RAB15: variants seen among roughly 807,000 people sequenced by gnomAD.
RAB15 encodes the protein ras-related protein Rab-15.
In RAB15, 13 loss-of-function variants were observed where a neutral mutation model predicts 31.8. The ratio of observed to expected loss-of-function variants is 0.41; its 90% CI spans 0.27 to 0.65. The LOEUF is 0.65. Among genes scored for constraint, RAB15 ranks in the 30% least tolerant of loss-of-function variants. RAB15 has a pLI of 0.32. For missense variants in RAB15, 220 were observed against 277.3 expected (o/e 0.79, Z 1.47); for synonymous variants, 100 against 105.6 (o/e 0.95, Z 0.33).
rs1277171134 is a variant in RAB15 at position 64,958,498 on chromosome 14, T to G, written c.125-5927A>C. Reference sequence around the variant, plus strand: ...CCTCCCAAACTCTGAGCAATACATTTCTCTTGCTTTAAATTACTCAGCTAA... The same window carrying G: ...CCTCCCAAACTCTGAGCAATACATTGCTCTTGCTTTAAATTACTCAGCTAA... On this transcript the variant is annotated intron_variant, in intron 1 of 6. Transcript: ENST00000533601. The surrounding 1 kb of genome is among the most constrained non-coding windows in gnomAD (Gnocchi z 4.4). Among the ~76,000 whole-genome samples the G allele has an allele frequency of 6.6e-6, 1 of 152,104 alleles. No homozygotes were observed. Among genetic ancestry groups the G allele is most frequent in the African/African-American group, 2.4e-5 (1 of 41,434 alleles).
chr14:64,967,148 C>A (rs1378010839), intron 1 of RAB15, among the ~76,000 whole-genome samples: 1 of 152,084 alleles, frequency 6.6e-6, no homozygotes, highest in Non-Finnish European at 1.5e-5. Context: ...GAGAAAGTGC[C>A]CTGAAGCCAC....
In RAB15 at chr14:64,971,876, C is replaced by CCCAGCTGGGGAGGAATTG; in HGVS notation, c.124+76_124+77insCAATTCCTCCCCAGCTGG. The CCCAGCTGGGGAGGAATTG allele has an allele frequency of 7.1e-7, 1 of 1,411,634 alleles. No individual in the cohort carries two copies. Among genetic ancestry groups the CCCAGCTGGGGAGGAATTG allele is most frequent in the South Asian group, 1.3e-5 (1 of 79,434 alleles). 87.4% of individuals were successfully genotyped at this position (1,411,634 alleles called of 1,614,324 possible). A position where few individuals can be genotyped will look rare whatever the true frequency, so the allele number is the denominator to read the frequency against. On this transcript the variant is annotated intron_variant, in intron 1 of 6. Transcript: ENST00000533601. This position sits in a 1 kb window ranked among gnomAD's most constrained non-coding sequence, Gnocchi z 4.1. The stretch of plus-strand genomic sequence containing the variant: ...CAGCCGGAGGGGCTGGCAATTCCTC[C>CCCAGCTGGGGAGGAATTG]CCAGCTGGGGACGGGGGCGGCGGGG...
Position 64,970,539 on chromosome 14 carries a change from G to A in RAB15, c.124+1414C>T, listed in dbSNP as rs1887365249. Among the ~76,000 whole-genome samples the A allele has an allele frequency of 6.6e-6, 1 of 152,202 alleles. No homozygotes were observed. The highest frequency in any genetic ancestry group is 1.5e-5 in the Non-Finnish European group (1 of 68,038). On this transcript the variant is annotated intron_variant, in intron 1 of 6. Transcript: ENST00000533601. This position sits in a 1 kb window ranked among gnomAD's most constrained non-coding sequence, Gnocchi z 4.1. The stretch of plus-strand genomic sequence containing the variant: ...TAAGTCCTGTTGTTTCACCCTTCAA[G>A]TTGGTGAAACAAAGAGAGGAGACCC...
At position 64,950,581 on chromosome 14, in the gene RAB15, C is replaced by G; in HGVS notation, c.325-167G>C. 1.5e-6 allele frequency: 1 copy of G among 676,450 alleles called. No individual in the cohort carries two copies. The highest frequency in any genetic ancestry group is 2.6e-6 in the Non-Finnish European group (1 of 377,608). 41.9% of individuals were successfully genotyped at this position (676,450 alleles called of 1,614,324 possible). A position where few individuals can be genotyped will look rare whatever the true frequency, so the allele number is the denominator to read the frequency against. On this transcript the variant is annotated intron_variant, in intron 4 of 6. Transcript: ENST00000533601. The surrounding 1 kb of genome is among the most constrained non-coding windows in gnomAD (Gnocchi z 5.6). ...CTCCCCCAAGTGCCATGGCTGACCTCAAGGGTATCACGGGGAGAGCTTAGG... is the reference window on the plus strand; with the variant it reads ...CTCCCCCAAGTGCCATGGCTGACCTGAAGGGTATCACGGGGAGAGCTTAGG...
chr14:64,955,500 C>A lies in RAB15; in HGVS notation c.125-2929G>T, dbSNP rs1886501765. Among the ~76,000 whole-genome samples the A allele has an allele frequency of 6.6e-6, 1 of 152,228 alleles. No individual in the cohort carries two copies. Among genetic ancestry groups the A allele is most frequent in the Admixed American group, 6.5e-5 (1 of 15,286 alleles). On this transcript the variant is annotated intron_variant, in intron 1 of 6. Transcript: ENST00000533601. This position sits in a 1 kb window ranked among gnomAD's most constrained non-coding sequence, Gnocchi z 4.4. The stretch of plus-strand genomic sequence containing the variant: ...TTATTGAGGCCTCTGCAGACGGATG[C>A]TTTCTCACCTTGGCCAGCCCTCGCA...
chr14:64,954,249 GAGGA>G lies in RAB15; in HGVS notation c.125-1682_125-1679del, dbSNP rs1297961279. On this transcript the variant is annotated intron_variant, in intron 1 of 6. Transcript: ENST00000533601. The surrounding 1 kb of genome is among the most constrained non-coding windows in gnomAD (Gnocchi z 4.3). Reference sequence around the variant, plus strand: ...CAGAGAAAGAGTGAAGAGAAGGAGGGAGGAAGGGAGGAAGGAGAGAAGCATCAGG... The same window carrying G: ...CAGAGAAAGAGTGAAGAGAAGGAGGGAGGGAGGAAGGAGAGAAGCATCAGG... 1 of 984,988 alleles carries G rather than the reference GAGGA, an allele frequency of 1.0e-6. No individual in the cohort carries two copies. Among genetic ancestry groups the G allele is most frequent in the African/African-American group, 1.7e-5 (1 of 57,216 alleles). The allele number at this position is 984,988 out of a possible 1,614,324, so 61.0% of individuals were successfully genotyped here.
At chr14:64,957,059 G>A (rs528850638) in intron 1 of RAB15, among the ~76,000 whole-genome samples, 6 of 151,804 alleles carry the variant, frequency 4.0e-5, no homozygotes, top group Non-Finnish European at 7.4e-5. Context: ...TCAGCCTCTG[G>A]GTAGGTAGCT....
intron 1 of RAB15, among the ~76,000 whole-genome samples, chr14:64,963,180 A>G (rs916738267): frequency 3.0e-5 from 4 of 133,014 alleles, no homozygotes; most frequent in Admixed American, 9.0e-5. Context: ...GTACAGTGGT[A>G]CGATCTCGGC....
In RAB15 at chr14:64,955,275, T is replaced by C. The variant is rs1886484009; in HGVS notation, c.125-2704A>G. On this transcript the variant is annotated intron_variant, in intron 1 of 6. Coordinates refer to ENST00000533601, the MANE Select transcript of RAB15 (RefSeq NM_001308154.2). The surrounding 1 kb of genome is among the most constrained non-coding windows in gnomAD (Gnocchi z 4.4). Reference sequence around the variant, plus strand: ...CAACCTCTCTTAAATTTAAAAAAGGTTAACAGCCCAAGGATCTTCAAGAGG... The same window carrying C: ...CAACCTCTCTTAAATTTAAAAAAGGCTAACAGCCCAAGGATCTTCAAGAGG... 6.6e-6 allele frequency among the ~76,000 whole-genome samples: 1 copy of C among 152,074 alleles called. No homozygotes were observed. The highest frequency in any genetic ancestry group is 2.1e-4 in the South Asian group (1 of 4,824).
chr14:64,969,763 G>T (rs1887329630), intron 1 of RAB15, among the ~76,000 whole-genome samples: 1 of 152,152 alleles, frequency 6.6e-6, no homozygotes, highest in South Asian at 2.1e-4. Flanking sequence ...TGCCCAAAGT[G>T]GTCTGCCCTG....
At chr14:64,964,085 T>C (rs1251121637) in intron 1 of RAB15, among the ~76,000 whole-genome samples, 1 of 152,166 alleles carries the variant, frequency 6.6e-6, no homozygotes, top group Non-Finnish European at 1.5e-5. Context: ...GGTAGATCAC[T>C]AAATATTATT....
chr14:64,961,231 C>T (rs1159243850), intron 1 of RAB15, among the ~76,000 whole-genome samples: 5 of 152,240 alleles, frequency 3.3e-5, no homozygotes, highest in Non-Finnish European at 7.3e-5. Flanking sequence ...CCTCCCACTG[C>T]AGGAAACCAG....
In RAB15 at chr14:64,950,339, C is replaced by G; in HGVS notation, c.400G>C (p.Glu134Gln). 1.9e-6 allele frequency: 3 copies of G among 1,614,132 alleles called. No individual in the cohort carries two copies. The highest frequency in any genetic ancestry group is 2.2e-5 in the East Asian group (1 of 44,884). Residue 134 changes from glutamate to glutamine, a missense_variant, in exon 5 of 7, where the codon GAG becomes CAG. Physicochemically the swap from Glu to Gln is conservative, Grantham distance 29. Transcript: ENST00000533601. This position sits in a 1 kb window ranked among gnomAD's most constrained non-coding sequence, Gnocchi z 5.6. ...DEEQKRQVGR[E>Q]QGQQLAKEYG... is the part of the protein sequence containing the mutation. ...CCTCCACTTACCTGCTGCCCTTGCT[C>G]TCTTCCCACCTGCCGTTTCTGCTCC...
rs1254241214 is a variant in RAB15, at chr14:64,971,894, C to A, written c.124+59G>T. On this transcript the variant is annotated intron_variant, in intron 1 of 6. Coordinates refer to ENST00000533601, the MANE Select transcript of RAB15 (RefSeq NM_001308154.2). This position sits in a 1 kb window ranked among gnomAD's most constrained non-coding sequence, Gnocchi z 4.1. ...ATTCCTCCCCAGCTGGGGACGGGGG[C>A]GGCGGGGAAAGGGGCCGCGGGCGGG... is the stretch of plus-strand genomic sequence containing the variant. 2 of 1,425,338 alleles carry A rather than the reference C, an allele frequency of 1.4e-6. No individual in the cohort carries two copies. Among genetic ancestry groups the A allele is most frequent in the African/African-American group, 1.5e-5 (1 of 68,858 alleles). 88.3% of individuals were successfully genotyped at this position (1,425,338 alleles called of 1,614,324 possible).
chr14:64,955,817 T>C lies in RAB15; in HGVS notation c.125-3246A>G, dbSNP rs1000999737. ...CAGAGAGTCAGCCCTTTTTGTTGCA[T>C]CTTTAGTATCCGTGAGAAGAAGAGA... On this transcript the variant is annotated intron_variant, in intron 1 of 6. Coordinates refer to ENST00000533601, the MANE Select transcript of RAB15 (RefSeq NM_001308154.2). This position sits in a 1 kb window ranked among gnomAD's most constrained non-coding sequence, Gnocchi z 4.4. Among the ~76,000 whole-genome samples the C allele has an allele frequency of 6.6e-6, 1 of 152,236 alleles. No individual in the cohort carries two copies. The highest frequency in any genetic ancestry group is 2.4e-5 in the African/African-American group (1 of 41,460).
At chr14:64,957,489 G>A (rs1023679016) in intron 1 of RAB15, among the ~76,000 whole-genome samples, 44 of 152,130 alleles carry the variant, frequency 2.9e-4, no homozygotes, top group African/African-American at 1.1e-3. Context: ...AGCATCAGAG[G>A]TGTGTGAGAA....
At chr14:64,956,109 A>C (rs941293291) in intron 1 of RAB15, among the ~76,000 whole-genome samples, 2 of 152,120 alleles carry the variant, frequency 1.3e-5, no homozygotes, top group African/African-American at 4.8e-5. Context: ...ACTTGTTAGA[A>C]ATGCAAATTC....
In RAB15 at chr14:64,970,519, C is replaced by T. The variant is rs1176340137; in HGVS notation, c.124+1434G>A. Among the ~76,000 whole-genome samples, 1 of 152,202 alleles carries T rather than the reference C, an allele frequency of 6.6e-6. No homozygotes were observed. The highest frequency in any genetic ancestry group is 2.4e-5 in the African/African-American group (1 of 41,446). On this transcript the variant is annotated intron_variant, in intron 1 of 6. Coordinates refer to ENST00000533601, the MANE Select transcript of RAB15 (RefSeq NM_001308154.2). This position sits in a 1 kb window ranked among gnomAD's most constrained non-coding sequence, Gnocchi z 4.1. ...CAAGTTCTGTTCCCTGACCCTAAGT[C>T]CTGTTGTTTCACCCTTCAAGTTGGT...
intron 1 of RAB15, among the ~76,000 whole-genome samples, chr14:64,965,232 TG>T (rs1887068444): frequency 6.6e-6 from 1 of 151,936 alleles, no homozygotes; most frequent in Middle Eastern, 3.4e-3. Flanking sequence ...CCGAGGTGGG[TG>T]GATCAGCTGA....
Sources: allele counts gnomAD v4.1 joint callset (sites outside exome capture counted in the v4.1 genomes callset), GRCh38; gene constraint gnomAD v4.1.1; non-coding constraint Gnocchi (gnomAD v3.1); transcripts MANE v1.5; gene names NCBI Gene and HGNC (gene_info 2026-07-23, HGNC 2026-07-21).